GPD2: variants seen among roughly 807,000 people sequenced by gnomAD.
GPD2 encodes the protein glycerol-3-phosphate dehydrogenase, mitochondrial.
In GPD2, 54 loss-of-function variants were observed where a neutral mutation model predicts 82.4. The observed-to-expected ratio is 0.66, with a 90% CI of 0.53 to 0.82. The LOEUF (loss-of-function observed/expected upper bound fraction) is 0.82. Ranked by LOEUF, GPD2 falls within the 40% of genes least tolerant of loss-of-function variation. The probability of loss-of-function intolerance (pLI) is 0.00; values close to 1 mark genes in which losing one functional copy is unlikely to be tolerated. For missense variants in GPD2, 748 were observed against 896.2 expected, an observed-to-expected ratio of 0.83 and a Z score of 2.11; for synonymous variants, 288 against 306.1, an observed-to-expected ratio of 0.94 and a Z score of 0.62.
the GPD2 span, among the ~76,000 whole-genome samples, chr2:156,401,379 T>C: frequency 6.9e-6 from 1 of 144,760 alleles, no homozygotes; most frequent in African/African-American, 2.4e-5. Flanking sequence ...ACAAAAATTT[T>C]CATTATACTA....
chr2:156,446,546 T>C (rs1045331302), intron 1 of GPD2, among the ~76,000 whole-genome samples: 14 of 151,860 alleles, frequency 9.2e-5, no homozygotes, highest in Non-Finnish European at 2.1e-4. Context: ...TTTTTGATAA[T>C]GACTTAGCTG....
rs370694976 is a variant in GPD2 at position 156,554,050 on chromosome 2, T to C, written c.971+3304T>C. ...TGCAGCCTAGTTCCCATTCAGGCTC[T>C]CTTGCAGATGAGCCCCTTCTCTTTG... On this transcript the variant is annotated intron_variant, in intron 8 of 16. Transcript: ENST00000438166. 7.2e-5 allele frequency among the ~76,000 whole-genome samples: 11 copies of C among 152,350 alleles called. No homozygotes were observed. The East Asian group carries it at 1.7e-3, about 24-fold the overall frequency.
At chr2:156,426,092 T>G in the GPD2 span, among the ~76,000 whole-genome samples, 1 of 151,690 alleles carries the variant, frequency 6.6e-6, no homozygotes, top group South Asian at 2.1e-4. Flanking sequence ...CCAGGCTAAT[T>G]TTTTGTATTT....
chr2:156,545,960 G>A (rs1686515657), intron 6 of GPD2, among the ~76,000 whole-genome samples: 1 of 152,170 alleles, frequency 6.6e-6, no homozygotes, highest in Admixed American at 6.5e-5. Context: ...CTCTGTGCAA[G>A]GTCATTGAGG....
chr2:156,402,447 C>A, the GPD2 span, among the ~76,000 whole-genome samples: 1 of 152,088 alleles, frequency 6.6e-6, no homozygotes, highest in Non-Finnish European at 1.5e-5. Context: ...TCCTAAATAA[C>A]CTGTGGAAGA....
chr2:156,437,722 G>T (rs1682001859), intron 1 of GPD2, among the ~76,000 whole-genome samples: 1 of 152,096 alleles, frequency 6.6e-6, no homozygotes, highest in Non-Finnish European at 1.5e-5. Flanking sequence ...ATTTTATAAA[G>T]AAATTCTAAA....
At chr2:156,434,829 G>A (rs916145907), upstream of GPD2, among the ~76,000 whole-genome samples, 8 of 152,228 alleles carry the variant, frequency 5.3e-5, no homozygotes, top group African/African-American at 1.9e-4. Context: ...CAGCCCCAGA[G>A]TCTATGAATC....
intron 1 of GPD2, among the ~76,000 whole-genome samples, chr2:156,475,811 A>G (rs183534922): frequency 7.2e-5 from 11 of 152,244 alleles, no homozygotes; most frequent in African/African-American, 2.6e-4. Context: ...AGTTCTTTTG[A>G]CTTTATACTG....
At chr2:156,551,656 T>C (rs1322009361) in intron 8 of GPD2, among the ~76,000 whole-genome samples, 1 of 152,170 alleles carries the variant, frequency 6.6e-6, no homozygotes, top group African/African-American at 2.4e-5. Context: ...CTTAGGGTAA[T>C]AGATAAATAA....
chr2:156,534,270 C>A (rs1316120748), intron 6 of GPD2, among the ~76,000 whole-genome samples: 41 of 152,342 alleles, frequency 2.7e-4, no homozygotes, highest in Non-Finnish European at 1.5e-5. Flanking sequence ...TGCCACTCTT[C>A]TGCTTCTTTG....
rs74477054 is a variant in GPD2, at chr2:156,490,689, C to A, written c.103-5355C>A. 1.4e-3 allele frequency among the ~76,000 whole-genome samples: 220 copies of A among 152,242 alleles called. 5 individuals are homozygous for A. The East Asian group carries it at 0.038, about 26-fold the overall frequency. On this transcript the variant is annotated intron_variant, in intron 2 of 16. Coordinates refer to ENST00000438166, the MANE Select transcript of GPD2 (RefSeq NM_000408.5). ...GCCAGGCTAAGTTCAGTTTTCAGCT[C>A]TACCATGAACCCGCTGTGTACTTAG...
intron 1 of GPD2, among the ~76,000 whole-genome samples, chr2:156,454,812 T>C (rs774175498): frequency 6.6e-6 from 1 of 151,876 alleles, no homozygotes; most frequent in Non-Finnish European, 1.5e-5. Context: ...TTGGGGGAAA[T>C]TGGGTAGGTA....
intron 3 of GPD2, among the ~76,000 whole-genome samples, chr2:156,508,169 C>A (rs1684854949): frequency 6.6e-6 from 1 of 152,000 alleles, no homozygotes; most frequent in African/African-American, 2.4e-5. Context: ...GGCTCTGCAT[C>A]CCTCATAGTG....
At chr2:156,578,747 A>T in intron 13 of GPD2, 142 bp from the exon 14 acceptor site, 1 of 640,982 alleles carries the variant, frequency 1.6e-6, no homozygotes, top group East Asian at 2.8e-5. Flanking sequence ...TTATACTTCA[A>T]TGAAACTGGA....
upstream of GPD2, among the ~76,000 whole-genome samples, chr2:156,432,810 C>T (rs1019180849): frequency 6.6e-6 from 1 of 152,094 alleles, no homozygotes; most frequent in Non-Finnish European, 1.5e-5. Flanking sequence ...CAGAGGTGCA[C>T]GGTCTTGAAA....
intron 6 of GPD2, among the ~76,000 whole-genome samples, chr2:156,531,443 A>ACAT (rs1315975786): frequency 1.3e-5 from 2 of 152,252 alleles, no homozygotes; most frequent in African/African-American, 4.8e-5. Context: ...TATTTTCTGC[A>ACAT]CATCAGCACT....
intron 9 of GPD2, among the ~76,000 whole-genome samples, chr2:156,558,255 C>T (rs572671784): frequency 3.9e-5 from 6 of 152,252 alleles, no homozygotes; most frequent in African/African-American, 1.2e-4. Context: ...TGCATCTAGT[C>T]ACTCAAATTA....
chr2:156,567,575 G>A (rs943300710), intron 9 of GPD2, among the ~76,000 whole-genome samples: 49 of 152,074 alleles, frequency 3.2e-4, no homozygotes, highest in Admixed American at 2.6e-3. Flanking sequence ...GTTATCCAGC[G>A]ATGGATTAGC....
chr2:156,569,351 A>T lies in GPD2; in HGVS notation c.1301-12A>T, dbSNP rs749278294. 1 of 1,587,496 alleles carries T rather than the reference A, an allele frequency of 6.3e-7. No individual in the cohort carries two copies. The highest frequency in any genetic ancestry group is 1.1e-5 in the South Asian group (1 of 90,582). On this transcript the variant is annotated splice_polypyrimidine_tract_variant and intron_variant, in intron 10 of 16. Coordinates refer to ENST00000438166, the MANE Select transcript of GPD2 (RefSeq NM_000408.5). ...TGGCAACCTGATGAATTGTCTATCAATTTCTTTATAGGTGGAAAGTGGACA... is the reference window on the plus strand; with the variant it reads ...TGGCAACCTGATGAATTGTCTATCATTTTCTTTATAGGTGGAAAGTGGACA...
Sources: allele counts gnomAD v4.1 joint callset (sites outside exome capture counted in the v4.1 genomes callset), GRCh38; gene constraint gnomAD v4.1.1; transcripts MANE v1.5; gene names NCBI Gene and HGNC (gene_info 2026-07-23, HGNC 2026-07-21).